The following DRD3 variants were observed in gnomAD, a reference collection of about 807,000 sequenced individuals.
The protein encoded by DRD3 is D(3) dopamine receptor.
Under a neutral mutation model 36.3 loss-of-function variants are expected in DRD3, and 19 were observed. That is an observed-to-expected ratio of 0.52 (90% CI 0.36 to 0.77). The LOEUF is 0.77. Among genes scored for constraint, DRD3 ranks in the 30% least tolerant of loss-of-function variants. The pLI, the probability that DRD3 is intolerant of heterozygous loss-of-function variation, is 0.00. For missense variants in DRD3, 465 were observed against 505.3 expected, an observed-to-expected ratio of 0.92 and a Z score of 0.77; for synonymous variants, 195 against 203.7, an observed-to-expected ratio of 0.96 and a Z score of 0.36.
chr3:114,169,645 T>A (rs1451493572), intron 2 of DRD3, among the ~76,000 whole-genome samples: 1 of 152,118 alleles, frequency 6.6e-6, no homozygotes, highest in Non-Finnish European at 1.5e-5. Context: ...TATGTACTAC[T>A]ACAGTGATTT....
At chr3:114,194,431 T>C (rs1294304036) in intron 1 of DRD3, among the ~76,000 whole-genome samples, 1 of 152,158 alleles carries the variant, frequency 6.6e-6, no homozygotes, top group African/African-American at 2.4e-5. Flanking sequence ...TACAACCGTG[T>C]ACCACCATGC....
chr3:114,140,355 G>A (rs990448755), intron 4 of DRD3, among the ~76,000 whole-genome samples: 3 of 152,184 alleles, frequency 2.0e-5, no homozygotes, highest in Non-Finnish European at 4.4e-5. Context: ...AAGGGTCCTT[G>A]TCCCTGCTTT....
At chr3:114,163,086 C>T (rs997673659) in intron 2 of DRD3, among the ~76,000 whole-genome samples, 1 of 152,188 alleles carries the variant, frequency 6.6e-6, no homozygotes, top group African/African-American at 2.4e-5. Context: ...TTCTGGCTAT[C>T]CTCTTTTCTT....
At chr3:114,143,161 A>G (rs998138436) in intron 4 of DRD3, among the ~76,000 whole-genome samples, 4 of 152,362 alleles carry the variant, frequency 2.6e-5, no homozygotes, top group African/African-American at 9.6e-5. Context: ...TTTTGTTAGC[A>G]CAATAGTTAT....
rs2077391896 is a variant in DRD3, at chr3:114,127,619, A to G, written c.*1097T>C. Among the ~76,000 whole-genome samples the G allele has an allele frequency of 6.6e-6, 1 of 152,244 alleles. No individual in the cohort carries two copies. The highest frequency in any genetic ancestry group is 1.5e-5 in the Non-Finnish European group (1 of 68,048). ...ACATAGTCATTTATTATCAATATTA[A>G]GTATTACGTACTGTACACAATTGTA... is the stretch of plus-strand genomic sequence containing the variant. On this transcript the variant is annotated 3_prime_UTR_variant, in exon 7 of 7. Coordinates refer to ENST00000383673, the MANE Select transcript of DRD3 (RefSeq NM_000796.6).
At chr3:114,139,792 C>T (rs1371912663) in intron 4 of DRD3, 96 bp from the exon 5 acceptor site, 1 of 1,161,808 alleles carries the variant, frequency 8.6e-7, no homozygotes, top group African/African-American at 1.5e-5. Flanking sequence ...GGTGCCTGCA[C>T]TTTCTGCTGC....
At chr3:114,190,181 A>G (rs1290561438) in intron 1 of DRD3, among the ~76,000 whole-genome samples, 2 of 151,892 alleles carry the variant, frequency 1.3e-5, no homozygotes, top group South Asian at 2.1e-4. Context: ...TTGCAGAAGT[A>G]TAATTTCAAT....
Position 114,131,299 on chromosome 3 carries a change from C to A in DRD3, c.825G>T (p.Glu275Asp). Residue 275 changes from glutamate (E) to aspartate (D), a missense_variant, in exon 6 of 7, where the codon GAG (glutamate) becomes GAT (aspartate). Glu to Asp is a conservative substitution (Grantham distance 45). Coordinates refer to ENST00000383673, the MANE Select transcript of DRD3 (RefSeq NM_000796.6). ...TCCGAGTCTTCTCCTCTCTTTTCAA[C>A]TCTCCTCCTCTTTCTTGGAAGCCTG... is the stretch of plus-strand genomic sequence containing the variant. ...GGPGFQERGGELKREEKTRNS... is the reference protein window; with the variant it reads ...GGPGFQERGGDLKREEKTRNS... 1 of 1,614,242 alleles carries A rather than the reference C, an allele frequency of 6.2e-7. No individual in the cohort carries two copies. Among genetic ancestry groups the A allele is most frequent in the Non-Finnish European group, 8.5e-7 (1 of 1,180,044 alleles).
chr3:114,145,491 A>T (rs1016574610), intron 4 of DRD3, among the ~76,000 whole-genome samples: 1 of 152,240 alleles, frequency 6.6e-6, no homozygotes, highest in Non-Finnish European at 1.5e-5. Context: ...TTGAACAGGC[A>T]AATATTTGTT....
At chr3:114,176,039 C>G (rs186932217) in intron 1 of DRD3, 1 of 152,178 alleles carries the variant, frequency 6.6e-6, no homozygotes, top group Non-Finnish European at 1.5e-5. Context: ...GGCAGGGGAA[C>G]AGAGAGTTGT....
intron 4 of DRD3, among the ~76,000 whole-genome samples, chr3:114,141,601 A>G (rs2077524027): frequency 6.6e-6 from 1 of 152,200 alleles, no homozygotes; most frequent in African/African-American, 2.4e-5. Context: ...TAAAACGAAA[A>G]GAGTGTGCTC....
intron 1 of DRD3, chr3:114,175,838 A>G (rs186621937): frequency 7.9e-5 from 12 of 152,324 alleles, no homozygotes; most frequent in African/African-American, 2.4e-4. Flanking sequence ...AAAAGTGGAT[A>G]GGAGGTAAAA....
intron 1 of DRD3, among the ~76,000 whole-genome samples, chr3:114,195,911 GT>G (rs2078033739): frequency 6.6e-6 from 1 of 152,160 alleles, no homozygotes; most frequent in Admixed American, 6.5e-5. Context: ...GAGCAATCTG[GT>G]TAAAATATAG....
intron 2 of DRD3, among the ~76,000 whole-genome samples, chr3:114,169,016 T>C (rs1253892859): frequency 6.6e-6 from 1 of 151,874 alleles, no homozygotes; most frequent in East Asian, 1.9e-4. Flanking sequence ...GTCTCGGTGG[T>C]CAACATTGCA....
At chr3:114,146,009 T>G (rs189272573) in intron 4 of DRD3, among the ~76,000 whole-genome samples, 1 of 152,348 alleles carries the variant, frequency 6.6e-6, no homozygotes, top group East Asian at 1.9e-4. Context: ...TTAAGTAACT[T>G]GTTTAAGGAG....
chr3:114,168,036 C>T (rs1435411482), intron 2 of DRD3, among the ~76,000 whole-genome samples: 5 of 152,162 alleles, frequency 3.3e-5, no homozygotes, highest in Admixed American at 3.3e-4. Flanking sequence ...GCCTGCAGCC[C>T]ACCCTACCAG....
chr3:114,197,778 C>T (rs1179160306), intron 1 of DRD3, among the ~76,000 whole-genome samples: 4 of 152,046 alleles, frequency 2.6e-5, no homozygotes, highest in Non-Finnish European at 5.9e-5. Context: ...TTCTGGACTC[C>T]TCTTTTGTTC....
chr3:114,188,530 T>C (rs896295162), intron 1 of DRD3, among the ~76,000 whole-genome samples: 1 of 152,192 alleles, frequency 6.6e-6, no homozygotes, highest in Non-Finnish European at 1.5e-5. Context: ...ACACTTCTGC[T>C]TTTATAGATC....
intron 2 of DRD3, among the ~76,000 whole-genome samples, chr3:114,160,171 T>C (rs1037503103): frequency 6.6e-6 from 1 of 152,264 alleles, no homozygotes; most frequent in Non-Finnish European, 1.5e-5. Flanking sequence ...GATGTAGATT[T>C]CTGAATCCTT....
Sources: allele counts gnomAD v4.1 joint callset (sites outside exome capture counted in the v4.1 genomes callset), GRCh38; gene constraint gnomAD v4.1.1; transcripts MANE v1.5; gene names NCBI Gene and HGNC (gene_info 2026-07-23, HGNC 2026-07-21).